UPP2: variants seen among roughly 807,000 people sequenced by gnomAD.
UPP2 encodes the protein UPase 2.
Under a neutral mutation model 26.7 loss-of-function variants are expected in UPP2, and 23 were observed. The observed-to-expected ratio is 0.86, with a 90% confidence interval of 0.62 to 1.22. The LOEUF is 1.22. Among genes scored for constraint, UPP2 ranks in the 50% most tolerant of loss-of-function variants. The pLI is 0.00. For synonymous variants in UPP2, 127 were observed against 141.3 expected (o/e 0.90, Z 0.72); for missense variants, 387 against 396.7 (o/e 0.98, Z 0.21).
rs115892719 is a variant in UPP2 at position 158,077,987 on chromosome 2, T to A, written c.148-24053T>A. ...ATGGGCAAAAGATCTAAATGGACATTTCGCAAAAGAAGAGATACAAATAGC... is the reference window on the plus strand; with the variant it reads ...ATGGGCAAAAGATCTAAATGGACATATCGCAAAAGAAGAGATACAAATAGC... On this transcript the variant is annotated intron_variant, in intron 3 of 9. Coordinates refer to the UPP2 transcript ENST00000605860. 3.0e-3 allele frequency among the ~76,000 whole-genome samples: 463 copies of A among 152,124 alleles called. 2 individuals carry two copies. Among genetic ancestry groups the A allele is most frequent in the African/African-American group, 0.011 (441 of 41,508 alleles).
chr2:158,022,457 C>CAA (rs11385969), intron 3 of UPP2, among the ~76,000 whole-genome samples: 8,865 of 87,646 alleles, frequency 0.1, 371 homozygotes, highest in Non-Finnish European at 0.14. Context: ...AGACTTGTCT[C>CAA]AAAAAAAAAA....
chr2:158,032,084 T>C (rs888594447), intron 3 of UPP2, among the ~76,000 whole-genome samples: 21 of 152,148 alleles, frequency 1.4e-4, no homozygotes, highest in Non-Finnish European at 2.8e-4. Flanking sequence ...TAAACTATGA[T>C]AGATGAAGAT....
At chr2:158,032,703 G>A (rs1683941732) in intron 3 of UPP2, among the ~76,000 whole-genome samples, 1 of 152,236 alleles carries the variant, frequency 6.6e-6, no homozygotes, top group South Asian at 2.1e-4. Context: ...GGACAGAGGA[G>A]GATTTGTGAG....
intron 3 of UPP2, among the ~76,000 whole-genome samples, chr2:158,046,774 A>G (rs920205974): frequency 1.3e-5 from 2 of 152,120 alleles, no homozygotes; most frequent in Non-Finnish European, 2.9e-5. Context: ...ATTGTGATTG[A>G]GTTTTTCTAC....
rs74767624 is a variant in UPP2 at position 158,040,450 on chromosome 2, C to G, written c.147+24564C>G. 8.3e-4 allele frequency among the ~76,000 whole-genome samples: 126 copies of G among 152,282 alleles called. 1 individual carries two copies. Among genetic ancestry groups the G allele is most frequent in the Non-Finnish European group, 1.6e-3 (112 of 68,016 alleles). ...AAAAACAGATACCACATATGCCTTG[C>G]TATGCTAGGCTTAAATGTGCTGGAT... is the stretch of plus-strand genomic sequence containing the variant. On this transcript the variant is annotated intron_variant, in intron 3 of 9. Transcript: ENST00000605860.
At position 158,083,869 on chromosome 2, in the gene UPP2, A is replaced by T. The variant is rs531743721; in HGVS notation, c.148-18171A>T. On this transcript the variant is annotated intron_variant, in intron 3 of 9. Coordinates refer to the UPP2 transcript ENST00000605860. ...GTCTGTTTATATATATATGTTTTTTATATATATATATATATCTCACAAGTT... is the reference window on the plus strand; with the variant it reads ...GTCTGTTTATATATATATGTTTTTTTTATATATATATATATCTCACAAGTT... Among the ~76,000 whole-genome samples, 277 of 143,544 alleles carry T rather than the reference A, an allele frequency of 1.9e-3. 5 individuals are homozygous for T. The South Asian group carries it at 0.024, about 12-fold the overall frequency. 94.2% of individuals were successfully genotyped at this position (143,544 alleles called of 152,430 possible). A position where few individuals can be genotyped will look rare whatever the true frequency, so the allele number is the denominator to read the frequency against.
chr2:158,025,769 G>A (rs1683823667), intron 3 of UPP2, among the ~76,000 whole-genome samples: 1 of 152,194 alleles, frequency 6.6e-6, no homozygotes, highest in Non-Finnish European at 1.5e-5. Flanking sequence ...AGTTCAGAGA[G>A]CAACTCCTGG....
intron 3 of UPP2, among the ~76,000 whole-genome samples, chr2:158,017,024 G>A (rs1683670309): frequency 6.6e-6 from 1 of 152,136 alleles, no homozygotes; most frequent in South Asian, 2.1e-4. Context: ...AAAGGAATGG[G>A]AGTGGTACTA....
intron 2 of UPP2, among the ~76,000 whole-genome samples, chr2:158,110,050 A>C (rs1683280345): frequency 1.3e-5 from 2 of 152,200 alleles, no homozygotes; most frequent in African/African-American, 4.8e-5. Context: ...ACATGTGCAC[A>C]ACCTGCAGGT....
intron 3 of UPP2, among the ~76,000 whole-genome samples, chr2:158,080,576 A>C (rs1230873857): frequency 1.3e-5 from 2 of 152,186 alleles, no homozygotes; most frequent in Non-Finnish European, 1.5e-5. Flanking sequence ...GTATATTGTT[A>C]GTCTGTTTTT....
chr2:158,045,522 C>T (rs1198061805), intron 3 of UPP2, among the ~76,000 whole-genome samples: 4 of 152,138 alleles, frequency 2.6e-5, no homozygotes, highest in Non-Finnish European at 4.4e-5. Context: ...ATGCCTGGGA[C>T]TCTAGGAGGC....
chr2:158,035,922 G>A (rs1683993219), intron 3 of UPP2, among the ~76,000 whole-genome samples: 1 of 152,272 alleles, frequency 6.6e-6, no homozygotes, highest in South Asian at 2.1e-4. Context: ...TGATTTTCAC[G>A]TTAAACATAC....
At chr2:158,112,558 G>A (rs1198384604) in intron 2 of UPP2, among the ~76,000 whole-genome samples, 1 of 151,806 alleles carries the variant, frequency 6.6e-6, no homozygotes, top group African/African-American at 2.4e-5. Flanking sequence ...GATTTCTTAT[G>A]TAAGATACCA....
Position 158,101,921 on chromosome 2 carries a change from C to T in UPP2, c.-143C>T, listed in dbSNP as rs1574290516. On this transcript the variant is annotated 5_prime_UTR_variant, in exon 1 of 7. Transcript: ENST00000005756. ...AAAGGAAAAATTTTCTTAGCAATTT[C>T]ACAGGAAAACCTAAGTTTTAAGAGA... 1 of 1,363,872 alleles carries T rather than the reference C, an allele frequency of 7.3e-7. No individual in the cohort carries two copies. The highest frequency in any genetic ancestry group is 1.5e-5 in the African/African-American group (1 of 66,458). The allele number at this position is 1,363,872 out of a possible 1,614,324, so 84.5% of individuals were successfully genotyped here. A position where few individuals can be genotyped will look rare whatever the true frequency, so the allele number is the denominator to read the frequency against.
rs530249123 is a variant in UPP2 at position 158,126,163 on chromosome 2, T to C, written c.811+2268T>C. ...TAAGTGAAGTTATTCTAAGAGCCTTTCTGTCCTTGCTGCAAATCTTTGTAA... is the reference window on the plus strand; with the variant it reads ...TAAGTGAAGTTATTCTAAGAGCCTTCCTGTCCTTGCTGCAAATCTTTGTAA... On this transcript the variant is annotated intron_variant, in intron 6 of 6. Transcript: ENST00000005756. 9.2e-5 allele frequency among the ~76,000 whole-genome samples: 14 copies of C among 152,326 alleles called. 1 individual carries two copies. In the South Asian group the frequency reaches 2.9e-3, roughly 32 times the overall value.
At chr2:158,113,730 A>G (rs1446582293) in intron 2 of UPP2, among the ~76,000 whole-genome samples, 1 of 152,122 alleles carries the variant, frequency 6.6e-6, no homozygotes, top group Non-Finnish European at 1.5e-5. Flanking sequence ...CGTTAGACAG[A>G]TATTCTTTAT....
chr2:158,099,437 AG>A (rs1683038161), upstream of UPP2, among the ~76,000 whole-genome samples: 1 of 151,994 alleles, frequency 6.6e-6, no homozygotes, highest in Non-Finnish European at 1.5e-5. Flanking sequence ...CCAAAGAAGG[AG>A]GAGATGTGAG....
chr2:158,041,126 A>G (rs1360766641), intron 3 of UPP2, among the ~76,000 whole-genome samples: 1 of 152,212 alleles, frequency 6.6e-6, no homozygotes, highest in African/African-American at 2.4e-5. Context: ...GATGGTCCTC[A>G]ATATCCAAGG....
At chr2:158,097,569 C>G (rs933913534), upstream of UPP2, among the ~76,000 whole-genome samples, 8 of 152,154 alleles carry the variant, frequency 5.3e-5, no homozygotes, top group African/African-American at 1.9e-4. Flanking sequence ...ACTTTTACAA[C>G]ATAACCACAT....
Sources: allele counts gnomAD v4.1 joint callset (sites outside exome capture counted in the v4.1 genomes callset), GRCh38; gene constraint gnomAD v4.1.1; transcripts MANE v1.5; gene names NCBI Gene and HGNC (gene_info 2026-07-23, HGNC 2026-07-21).